The following TMEM242 variants were observed in gnomAD, a reference collection of about 807,000 sequenced individuals.
The protein encoded by TMEM242 is UPF0463 transmembrane protein C6orf35.
Under a neutral mutation model 18.2 loss-of-function variants are expected in TMEM242, and 10 were observed. The ratio of observed to expected loss-of-function variants is 0.55; its 90% CI spans 0.34 to 0.93. The LOEUF (loss-of-function observed/expected upper bound fraction) is 0.93, where lower values mean the gene tolerates loss of function less well. TMEM242 is among the 40% of genes least tolerant of loss of function. The pLI is 0.02. For synonymous variants in TMEM242, 57 were observed against 69.9 expected (o/e 0.81, Z 0.92); for missense variants, 186 against 175.5 (o/e 1.06, Z -0.34).
chr6:157,316,692 T>A (rs1778397985), intron 3 of TMEM242, among the ~76,000 whole-genome samples: 1 of 151,754 alleles, frequency 6.6e-6, no homozygotes, highest in Admixed American at 6.6e-5. Flanking sequence ...CTGGGCAACA[T>A]AATGAGACCT....
intron 3 of TMEM242, among the ~76,000 whole-genome samples, chr6:157,315,963 T>C (rs1182544684): frequency 6.6e-6 from 1 of 152,240 alleles, no homozygotes; most frequent in Non-Finnish European, 1.5e-5. Context: ...TGGATTATTC[T>C]AGCACAGTTG....
At chr6:157,313,066 GGGTCCCAGTA>G (rs1778239407) in intron 3 of TMEM242, among the ~76,000 whole-genome samples, 42 of 127,448 alleles carry the variant, frequency 3.3e-4, no homozygotes, top group Non-Finnish European at 4.9e-4. Flanking sequence ...CCTCATCATA[GGGTCCCAGTA>G]TGCACTCACC....
At chr6:157,306,364 G>A (rs995927981) in intron 3 of TMEM242, among the ~76,000 whole-genome samples, 1 of 152,214 alleles carries the variant, frequency 6.6e-6, no homozygotes, top group Non-Finnish European at 1.5e-5. Flanking sequence ...TAGTGGCTGT[G>A]GGGGTCAGGG....
intron 3 of TMEM242, among the ~76,000 whole-genome samples, chr6:157,310,460 C>T (rs1554248289): frequency 1.9e-4 from 28 of 150,702 alleles, no homozygotes; most frequent in Admixed American, 1.5e-3. Flanking sequence ...CTAGCCTCAT[C>T]ACAGTGCCCC....
chr6:157,299,451 C>T (rs1356534725), intron 3 of TMEM242: 2 of 1,356,426 alleles, frequency 1.5e-6, no homozygotes, highest in Non-Finnish European at 1.1e-6. Flanking sequence ...AGGATCCATC[C>T]GTGGCAGTTT....
intron 3 of TMEM242, among the ~76,000 whole-genome samples, chr6:157,312,190 GTCCCAGTGTGCA>G (rs1778162789): frequency 6.8e-6 from 1 of 147,488 alleles, no homozygotes. Context: ...TCATCATAGT[GTCCCAGTGTGCA>G]CTGAGCTAGC....
chr6:157,320,998 C>CTTTTTTTTTT, intron 2 of TMEM242, among the ~76,000 whole-genome samples: 1 of 135,592 alleles, frequency 7.4e-6, no homozygotes. Flanking sequence ...TTTCCCATTT[C>CTTTTTTTTTT]TTTTTTTTTT....
chr6:157,296,319 C>T (rs782325205), intron 3 of TMEM242, among the ~76,000 whole-genome samples: 5 of 152,164 alleles, frequency 3.3e-5, no homozygotes, highest in Admixed American at 6.5e-5. Context: ...TTTTCCTATA[C>T]TATGGATAAC....
At chr6:157,322,975 G>T (rs1554250838) in intron 1 of TMEM242, among the ~76,000 whole-genome samples, 170 bp from the exon 2 acceptor site, 1 of 152,176 alleles carries the variant, frequency 6.6e-6, no homozygotes, top group East Asian at 1.9e-4. Context: ...AATGACAGCG[G>T]CTGAGAAACA....
At chr6:157,314,892 G>A (rs948688414) in intron 3 of TMEM242, among the ~76,000 whole-genome samples, 3 of 152,150 alleles carry the variant, frequency 2.0e-5, no homozygotes, top group East Asian at 1.9e-4. Context: ...AATAGGAACC[G>A]CAAGCACTTT....
chr6:157,300,323 G>A (rs1554247432), intron 3 of TMEM242, among the ~76,000 whole-genome samples: 1 of 152,262 alleles, frequency 6.6e-6, no homozygotes, highest in Non-Finnish European at 1.5e-5. Context: ...CTGAGACTAA[G>A]GCAGTGAAGG....
intron 3 of TMEM242, among the ~76,000 whole-genome samples, chr6:157,297,077 C>T (rs1777760278): frequency 6.6e-6 from 1 of 152,198 alleles, no homozygotes; most frequent in African/African-American, 2.4e-5. Context: ...ACTGATGCCA[C>T]TTAGAGAGTC....
At chr6:157,310,814 G>C (rs1554248458) in intron 3 of TMEM242, among the ~76,000 whole-genome samples, 1 of 150,206 alleles carries the variant, frequency 6.7e-6, no homozygotes, top group African/African-American at 2.5e-5. Context: ...GGGTCCCAGT[G>C]TGCACTCACC....
chr6:157,317,794 A>C (rs1554250477), intron 3 of TMEM242, among the ~76,000 whole-genome samples: 1 of 152,178 alleles, frequency 6.6e-6, no homozygotes, highest in African/African-American at 2.4e-5. Context: ...TCTTGATGAC[A>C]TCCAACTTCA....
At chr6:157,317,176 C>T (rs587692149) in intron 3 of TMEM242, among the ~76,000 whole-genome samples, 1 of 152,092 alleles carries the variant, frequency 6.6e-6, no homozygotes, top group East Asian at 1.9e-4. Context: ...CCAGCTATGA[C>T]CCCATTTCCT....
chr6:157,299,512 A>G, intron 3 of TMEM242: 1 of 1,454,710 alleles, frequency 6.9e-7, no homozygotes. Context: ...AACGAGCAGT[A>G]TCCAGATTAC....
chr6:157,303,570 T>G (rs1777860790), intron 3 of TMEM242, among the ~76,000 whole-genome samples: 1 of 152,214 alleles, frequency 6.6e-6, no homozygotes, highest in South Asian at 2.1e-4. Context: ...TTTTATCCTT[T>G]AAAGTTATTT....
chr6:157,318,062 C>T (rs909650431), intron 3 of TMEM242: 7 of 152,088 alleles, frequency 4.6e-5, no homozygotes, highest in African/African-American at 1.4e-4. Flanking sequence ...CACAGACACA[C>T]AAGATTTTAG....
At chr6:157,314,999 A>G (rs1778363553) in intron 3 of TMEM242, among the ~76,000 whole-genome samples, 1 of 152,190 alleles carries the variant, frequency 6.6e-6, no homozygotes, top group Non-Finnish European at 1.5e-5. Context: ...AGCTACTTAC[A>G]ATTATTTAAC....
Sources: allele counts gnomAD v4.1 joint callset (sites outside exome capture counted in the v4.1 genomes callset), GRCh38; gene constraint gnomAD v4.1.1; transcripts MANE v1.5; gene names NCBI Gene and HGNC (gene_info 2026-07-23, HGNC 2026-07-21).